KCNQ3: variants seen among roughly 807,000 people sequenced by gnomAD.
The protein encoded by KCNQ3 is potassium voltage-gated channel subfamily KQT member 3.
A neutral mutation model predicts 92.5 loss-of-function variants in KCNQ3; 30 were observed. The observed-to-expected ratio is 0.32, with a 90% CI of 0.24 to 0.44. KCNQ3 has a LOEUF of 0.44. Ranked by LOEUF, KCNQ3 falls within the 20% of genes least tolerant of loss-of-function variation. KCNQ3 has a pLI of 1.00. For missense variants in KCNQ3, 913 were observed against 1,140.3 expected, an observed-to-expected ratio of 0.80 and a Z score of 2.87; for synonymous variants, 450 against 468.8, an observed-to-expected ratio of 0.96 and a Z score of 0.52.
chr8:132,257,745 C>CAAAAAAAA (rs1174893538), intron 1 of KCNQ3, among the ~76,000 whole-genome samples: 4 of 76,614 alleles, frequency 5.2e-5, no homozygotes, highest in East Asian at 3.5e-4. Flanking sequence ...GACTCCAGCT[C>CAAAAAAAA]AAAAAAAAAA....
chr8:132,447,877 G>T (rs77952968), intron 1 of KCNQ3, among the ~76,000 whole-genome samples: 3 of 152,140 alleles, frequency 2.0e-5, no homozygotes, highest in African/African-American at 7.2e-5. Context: ...TTACCACGGC[G>T]TAAGTACTAC....
At position 132,127,359 on chromosome 8, in the gene KCNQ3, G is replaced by A. The variant is rs1240261004; in HGVS notation, c.*1903C>T. The A allele has an allele frequency of 6.6e-6, 1 of 152,186 alleles. No individual in the cohort carries two copies. The highest frequency in any genetic ancestry group is 2.4e-5 in the African/African-American group (1 of 41,432). 9.4% of individuals were successfully genotyped at this position (152,186 alleles called of 1,614,324 possible). A position where few individuals can be genotyped will look rare whatever the true frequency, so the allele number is the denominator to read the frequency against. ...TGTCTGCCCTTGGCCTGGGACTTTG[G>A]GCTTTGGTTCTAAGTTCCTAAAGTC... is the stretch of plus-strand genomic sequence containing the variant. On this transcript the variant is annotated 3_prime_UTR_variant, in exon 15 of 15. Coordinates refer to ENST00000388996, the MANE Select transcript of KCNQ3 (RefSeq NM_004519.4).
chr8:132,394,681 G>A (rs1820146733), intron 1 of KCNQ3, among the ~76,000 whole-genome samples: 2 of 152,076 alleles, frequency 1.3e-5, no homozygotes, highest in Admixed American at 6.5e-5. Context: ...GTGATGGGGT[G>A]GGGAGTGATG....
intron 1 of KCNQ3, among the ~76,000 whole-genome samples, chr8:132,410,118 AC>A (rs1820609376): frequency 1.3e-5 from 2 of 152,110 alleles, no homozygotes; most frequent in African/African-American, 4.8e-5. Flanking sequence ...ACAGAATGAG[AC>A]CCTGTCTCAA....
chr8:132,160,310 C>T (rs992583463), intron 9 of KCNQ3, among the ~76,000 whole-genome samples: 4 of 152,178 alleles, frequency 2.6e-5, no homozygotes, highest in Non-Finnish European at 5.9e-5. Flanking sequence ...CGGAGGAAGG[C>T]TAATGGACTC....
intron 1 of KCNQ3, among the ~76,000 whole-genome samples, chr8:132,219,538 G>GC (rs1814149350): frequency 6.6e-6 from 1 of 152,082 alleles, no homozygotes; most frequent in South Asian, 2.1e-4. Flanking sequence ...TTACCCTGGA[G>GC]CCCCCAAACT....
In KCNQ3 at chr8:132,405,213, C is replaced by T. The variant is rs564427463; in HGVS notation, c.386+74934G>A. ...GAGAGGAGAGATTGGCTCCTCTTGA[C>T]GATGCATGAGAATGCCTAAGAAGGT... On this transcript the variant is annotated intron_variant, in intron 1 of 14. Transcript: ENST00000388996. Among the ~76,000 whole-genome samples, 61 of 152,298 alleles carry T rather than the reference C, an allele frequency of 4.0e-4. 1 individual carries two copies. Among genetic ancestry groups the T allele is most frequent in the Admixed American group, 8.5e-4 (13 of 15,310 alleles).
chr8:132,185,071 G>T (rs1826919254), intron 2 of KCNQ3, among the ~76,000 whole-genome samples: 1 of 152,188 alleles, frequency 6.6e-6, no homozygotes, highest in South Asian at 2.1e-4. Context: ...CTCCCTGGGT[G>T]CCCTGAGGCA....
At chr8:132,198,116 A>T (rs1156236536) in intron 1 of KCNQ3, among the ~76,000 whole-genome samples, 2 of 152,226 alleles carry the variant, frequency 1.3e-5, no homozygotes, top group Non-Finnish European at 2.9e-5. Flanking sequence ...TCTTACAAGT[A>T]GACTGTCTCT....
intron 1 of KCNQ3, among the ~76,000 whole-genome samples, chr8:132,259,695 A>T (rs1815709564): frequency 6.6e-6 from 1 of 152,180 alleles, no homozygotes; most frequent in Non-Finnish European, 1.5e-5. Flanking sequence ...TCTGAACTAC[A>T]AAAGAAGAAT....
At chr8:132,172,152 C>G (rs997403424) in intron 7 of KCNQ3, among the ~76,000 whole-genome samples, 1 of 151,974 alleles carries the variant, frequency 6.6e-6, no homozygotes, top group Non-Finnish European at 1.5e-5. Flanking sequence ...GCACCCTACA[C>G]TCCAGCCTGG....
intron 1 of KCNQ3, among the ~76,000 whole-genome samples, chr8:132,445,495 T>C (rs1281202832): frequency 1.3e-5 from 2 of 151,982 alleles, no homozygotes; most frequent in Non-Finnish European, 2.9e-5. Flanking sequence ...GGAAATCAAG[T>C]GAATGAATGA....
chr8:132,268,403 C>T (rs1816055102), intron 1 of KCNQ3, among the ~76,000 whole-genome samples: 2 of 152,020 alleles, frequency 1.3e-5, no homozygotes, highest in African/African-American at 4.8e-5. Context: ...TAACTGGGAG[C>T]ATGTGTCATC....
At chr8:132,222,775 C>T (rs1245546116) in intron 1 of KCNQ3, among the ~76,000 whole-genome samples, 2 of 152,178 alleles carry the variant, frequency 1.3e-5, no homozygotes, top group African/African-American at 4.8e-5. Flanking sequence ...GGGACACACA[C>T]GTGGGTGGGA....
At chr8:132,438,925 C>A (rs1821461222) in intron 1 of KCNQ3, among the ~76,000 whole-genome samples, 1 of 149,630 alleles carries the variant, frequency 6.7e-6, no homozygotes, top group Non-Finnish European at 1.5e-5. Context: ...TTTGTTTAAC[C>A]ATTTCCAGCC....
intron 1 of KCNQ3, among the ~76,000 whole-genome samples, chr8:132,227,058 CTCTTTT>C (rs1814447252): frequency 1.1e-5 from 1 of 88,662 alleles, no homozygotes; most frequent in African/African-American, 5.6e-5. Context: ...ACATATCTCA[CTCTTTT>C]TTTTTTTTTT....
intron 1 of KCNQ3, among the ~76,000 whole-genome samples, chr8:132,474,490 A>G (rs971022628): frequency 2.0e-5 from 3 of 152,158 alleles, no homozygotes; most frequent in African/African-American, 7.2e-5. Flanking sequence ...ATGGTCTCCA[A>G]TCTTGTTTTC....
intron 1 of KCNQ3, among the ~76,000 whole-genome samples, chr8:132,228,875 C>G (rs1286410582): frequency 6.6e-6 from 1 of 152,030 alleles, no homozygotes; most frequent in African/African-American, 2.4e-5. Flanking sequence ...GTGAGTTGAG[C>G]ATTTATCTTG....
intron 1 of KCNQ3, among the ~76,000 whole-genome samples, chr8:132,431,672 G>T (rs1379295787): frequency 1.3e-5 from 2 of 152,204 alleles, no homozygotes; most frequent in African/African-American, 2.4e-5. Context: ...CCCCCAGACT[G>T]GGAGAAGACA....
Sources: gnomAD v4.1 joint callset for allele counts (sites outside exome capture counted in the v4.1 genomes callset) on GRCh38, gnomAD v4.1.1 for gene constraint, MANE v1.5 for transcripts, NCBI Gene and HGNC (gene_info 2026-07-23, HGNC 2026-07-21) for gene names.